Variants in NCR3LG1 observed in about 807,000 individuals in gnomAD.
The protein encoded by NCR3LG1 is natural killer cell cytotoxicity receptor 3 ligand 1.
In NCR3LG1, 35 loss-of-function variants were observed where a neutral mutation model predicts 34.8. The observed-to-expected ratio is 1.01, with a 90% CI of 0.77 to 1.33. The LOEUF is 1.33. Among genes scored for constraint, NCR3LG1 ranks in the 40% most tolerant of loss-of-function variants. NCR3LG1 has a pLI of 0.00. For synonymous variants in NCR3LG1, 173 were observed against 163.6 expected, an observed-to-expected ratio of 1.06 and a Z score of -0.44; for missense variants, 452 against 423.3, an observed-to-expected ratio of 1.07 and a Z score of -0.60.
intron 2 of NCR3LG1, among the ~76,000 whole-genome samples, chr11:17,358,896 C>T (rs959020286): frequency 1.3e-5 from 2 of 152,074 alleles, no homozygotes; most frequent in African/African-American, 4.8e-5. Context: ...ATTGACATAC[C>T]CCAATCATTG....
At chr11:17,362,761 TTTCTTTCC>T (rs1953292920) in intron 2 of NCR3LG1, among the ~76,000 whole-genome samples, 12 of 113,506 alleles carry the variant, frequency 1.1e-4, no homozygotes, top group Non-Finnish European at 1.1e-4. Flanking sequence ...TCTTTCTTTC[TTTCTTTCC>T]TTCCTTCCTT....
downstream of NCR3LG1, among the ~76,000 whole-genome samples, chr11:17,378,862 A>G (rs1042513183): frequency 6.6e-6 from 1 of 152,226 alleles, no homozygotes; most frequent in African/African-American, 2.4e-5. Flanking sequence ...GAAAGACTAC[A>G]CAGGAGACTT....
At chr11:17,361,107 T>G (rs1421248533) in intron 2 of NCR3LG1, among the ~76,000 whole-genome samples, 1 of 152,174 alleles carries the variant, frequency 6.6e-6, no homozygotes, top group East Asian at 1.9e-4. Flanking sequence ...ATTTTAGTAG[T>G]AAGTCTGGAA....
chr11:17,379,425 G>A (rs1483935782), downstream of NCR3LG1, among the ~76,000 whole-genome samples: 2 of 152,190 alleles, frequency 1.3e-5, no homozygotes, highest in Non-Finnish European at 2.9e-5. Context: ...ACTTTGTAGT[G>A]CCTCTAACTG....
At chr11:17,352,062 TGGGGCG>T in intron 1 of NCR3LG1, 23 bp downstream of exon 1, 3 of 114,500 alleles carry the variant, frequency 2.6e-5, no homozygotes, top group Non-Finnish European at 5.1e-5. Flanking sequence ...TGGGGTGGGC[TGGGGCG>T]GGGGCTCCTG....
intron 2 of NCR3LG1, among the ~76,000 whole-genome samples, chr11:17,362,092 T>C (rs1028061997): frequency 6.6e-6 from 1 of 152,268 alleles, no homozygotes; most frequent in Non-Finnish European, 1.5e-5. Flanking sequence ...CCATGAAATA[T>C]GATATTAGCT....
intron 4 of NCR3LG1, among the ~76,000 whole-genome samples, chr11:17,371,279 TAGTGCTA>T (rs1953403146): frequency 6.6e-6 from 1 of 152,132 alleles, no homozygotes; most frequent in Non-Finnish European, 1.5e-5. Flanking sequence ...TCAAACCCTA[TAGTGCTA>T]CCTAGTGGGA....
In NCR3LG1 at chr11:17,355,117, T is replaced by C. The variant is rs147549380; in HGVS notation, c.71-1534T>C. Among the ~76,000 whole-genome samples the C allele has an allele frequency of 4.2e-4, 64 of 152,310 alleles. No individual in the cohort carries two copies. The East Asian group carries it at 0.011, about 26-fold the overall frequency. The stretch of plus-strand genomic sequence containing the variant: ...CTACTGTTCTAAAATGGAAAACATC[T>C]AGCCAGTCGCAGTGGCTCATACCTG... On this transcript the variant is annotated intron_variant, in intron 1 of 4. Transcript: ENST00000338965.
chr11:17,358,570 A>G (rs1424046908), intron 2 of NCR3LG1, among the ~76,000 whole-genome samples: 1 of 152,182 alleles, frequency 6.6e-6, no homozygotes, highest in Non-Finnish European at 1.5e-5. Context: ...TCTCTACTGA[A>G]AAGTTACTCT....
chr11:17,354,307 G>T (rs1178046329), intron 1 of NCR3LG1, among the ~76,000 whole-genome samples: 2 of 152,244 alleles, frequency 1.3e-5, no homozygotes, highest in African/African-American at 4.8e-5. Flanking sequence ...GGCGAATGCT[G>T]TTAAGCTGTT....
intron 2 of NCR3LG1, among the ~76,000 whole-genome samples, chr11:17,365,325 T>C (rs1333221300): frequency 6.6e-6 from 1 of 152,236 alleles, no homozygotes; most frequent in Non-Finnish European, 1.5e-5. Context: ...TTAAATAGGT[T>C]CTGTGCCTTG....
intron 1 of NCR3LG1, 28 bp downstream of exon 1, chr11:17,352,067 C>T (rs1412061266): frequency 3.8e-6 from 1 of 260,184 alleles, no homozygotes; most frequent in Non-Finnish European, 7.2e-6. Flanking sequence ...TGGGCTGGGG[C>T]GGGGGCTCCT....
Position 17,367,013 on chromosome 11 carries a change from C to T in NCR3LG1, c.426C>T (p.Ser142=). The T allele has an allele frequency of 6.5e-7, 1 of 1,530,552 alleles. No homozygotes were observed. Among genetic ancestry groups the T allele is most frequent in the Non-Finnish European group, 8.8e-7 (1 of 1,142,802 alleles). The allele number at this position is 1,530,552 out of a possible 1,614,324, so 94.8% of individuals were successfully genotyped here. A position where few individuals can be genotyped will look rare whatever the true frequency, so the allele number is the denominator to read the frequency against. Reference sequence around the variant, plus strand: ...ATGATTTTTTTTCCCTGACAGCTTCCCCAGCCAGCAGATTGTTGCTGGATC... The same window carrying T: ...ATGATTTTTTTTCCCTGACAGCTTCTCCAGCCAGCAGATTGTTGCTGGATC... ...QGTVQLEVVA[S]PASRLLLDQV... is the part of the protein sequence containing the mutation. Residue 142 remains serine, a synonymous_variant, in exon 3 of 5, where the codon TCC becomes TCT. Coordinates refer to ENST00000338965, the MANE Select transcript of NCR3LG1 (RefSeq NM_001202439.3).
At chr11:17,363,130 C>G (rs1410572686) in intron 2 of NCR3LG1, among the ~76,000 whole-genome samples, 6 of 150,526 alleles carry the variant, frequency 4.0e-5, no homozygotes, top group African/African-American at 1.5e-4. Context: ...TCTATGTTGC[C>G]CAGACTCGTC....
At chr11:17,363,622 A>C (rs1215661187) in intron 2 of NCR3LG1, among the ~76,000 whole-genome samples, 1 of 146,160 alleles carries the variant, frequency 6.8e-6, no homozygotes, top group African/African-American at 2.6e-5. Flanking sequence ...ATGGGGTCCC[A>C]CTCTGTTTCC....
chr11:17,369,117 C>T lies in NCR3LG1; in HGVS notation c.858+153C>T, dbSNP rs1215793104. Among the ~76,000 whole-genome samples, 3 of 152,190 alleles carry T rather than the reference C, an allele frequency of 2.0e-5. No homozygotes were observed. In the East Asian group the frequency reaches 5.8e-4, roughly 29 times the overall value. ...CACCATCAGGTGTTGGGAATGTTGG[C>T]TGTGTTCCAATCCAGTTTCCTATCA... On this transcript the variant is annotated intron_variant, in intron 4 of 4. Transcript: ENST00000338965.
intron 2 of NCR3LG1, among the ~76,000 whole-genome samples, chr11:17,359,584 T>C (rs1003296685): frequency 1.3e-5 from 2 of 151,710 alleles, no homozygotes; most frequent in African/African-American, 2.4e-5. Flanking sequence ...TGACCTTGGC[T>C]TACTGCAACC....
At chr11:17,366,415 T>C (rs1298349613) in intron 2 of NCR3LG1, among the ~76,000 whole-genome samples, 1 of 152,120 alleles carries the variant, frequency 6.6e-6, no homozygotes, top group East Asian at 1.9e-4. Flanking sequence ...CCAGGCCTAC[T>C]AGACCCCTGA....
chr11:17,353,782 G>A (rs1243883082), intron 1 of NCR3LG1, among the ~76,000 whole-genome samples: 1 of 152,242 alleles, frequency 6.6e-6, no homozygotes, highest in Non-Finnish European at 1.5e-5. Context: ...CGCGGCGGCG[G>A]CTGCATGAGG....
Sources: allele counts gnomAD v4.1 joint callset (sites outside exome capture counted in the v4.1 genomes callset), GRCh38; gene constraint gnomAD v4.1.1; transcripts MANE v1.5; gene names NCBI Gene and HGNC (gene_info 2026-07-23, HGNC 2026-07-21).